Variants in IKZF3 observed in about 807,000 individuals in gnomAD.
IKZF3 encodes the protein IKAROS family zinc finger 3.
A neutral mutation model predicts 49.0 loss-of-function variants in IKZF3; 10 were observed. The observed-to-expected ratio is 0.20, with a 90% confidence interval of 0.13 to 0.35. The LOEUF is 0.35. Ranked by LOEUF, IKZF3 falls within the 10% of genes least tolerant of loss-of-function variation. The pLI is 1.00. For missense variants in IKZF3, 498 were observed against 664.8 expected (o/e 0.75, Z 2.76); for synonymous variants, 209 against 228.2 (o/e 0.92, Z 0.76).
At chr17:39,797,024 G>T (rs2061182850) in intron 3 of IKZF3, among the ~76,000 whole-genome samples, 1 of 151,550 alleles carries the variant, frequency 6.6e-6, no homozygotes, top group African/African-American at 2.4e-5. Context: ...AATTAGCCAG[G>T]CGTGGTGGTG....
chr17:39,805,780 A>G (rs2061419891), intron 3 of IKZF3, among the ~76,000 whole-genome samples: 1 of 152,242 alleles, frequency 6.6e-6, no homozygotes, highest in Admixed American at 6.5e-5. Flanking sequence ...CAAGGCTGCA[A>G]GCAAAGATGC....
At chr17:39,814,038 T>C (rs193297808) in intron 3 of IKZF3, among the ~76,000 whole-genome samples, 4 of 152,314 alleles carry the variant, frequency 2.6e-5, no homozygotes, top group Admixed American at 2.0e-4. Context: ...CTTAATTTTT[T>C]TTCCCCTTTC....
intron 1 of IKZF3, among the ~76,000 whole-genome samples, chr17:39,861,722 G>A (rs1192241588): frequency 2.0e-5 from 3 of 152,058 alleles, no homozygotes; most frequent in Admixed American, 6.6e-5. Flanking sequence ...CTGACATCAA[G>A]AAGGAGACAA....
intron 3 of IKZF3, among the ~76,000 whole-genome samples, chr17:39,814,172 A>G (rs1018980261): frequency 2.0e-5 from 3 of 152,174 alleles, no homozygotes; most frequent in African/African-American, 7.2e-5. Flanking sequence ...GGGAAGAAGA[A>G]TTATTTTTTT....
At chr17:39,829,913 C>T (rs2062064762) in intron 2 of IKZF3, among the ~76,000 whole-genome samples, 1 of 151,890 alleles carries the variant, frequency 6.6e-6, no homozygotes, top group South Asian at 2.1e-4. Context: ...GATAGCACCA[C>T]TGCACTCCAG....
intron 3 of IKZF3, among the ~76,000 whole-genome samples, chr17:39,819,245 A>G (rs1031581759): frequency 6.6e-6 from 1 of 152,226 alleles, no homozygotes; most frequent in African/African-American, 2.4e-5. Context: ...CTACCCCTGA[A>G]CCCAAAGTAA....
At chr17:39,853,191 T>C (rs1482596891) in intron 1 of IKZF3, among the ~76,000 whole-genome samples, 1 of 152,138 alleles carries the variant, frequency 6.6e-6, no homozygotes, top group Non-Finnish European at 1.5e-5. Flanking sequence ...CCTTACCAAA[T>C]TCCATAAGGG....
chr17:39,776,377 T>G (rs1274377613), intron 7 of IKZF3, among the ~76,000 whole-genome samples: 1 of 152,250 alleles, frequency 6.6e-6, no homozygotes, highest in African/African-American at 2.4e-5. Context: ...GGAATATTTG[T>G]AGACAATGTC....
chr17:39,766,587 T>A, intron 7 of IKZF3, 94 bp from the exon 8 acceptor site: 2 of 1,050,104 alleles, frequency 1.9e-6, no homozygotes, highest in South Asian at 1.5e-5. Context: ...GGAGGAGAGT[T>A]AAGTTGCCTG....
At chr17:39,839,013 T>C (rs2062385722) in intron 1 of IKZF3, among the ~76,000 whole-genome samples, 1 of 152,134 alleles carries the variant, frequency 6.6e-6, no homozygotes, top group East Asian at 1.9e-4. Context: ...AAGTTTTTTG[T>C]AGTGACAGAG....
At position 39,792,800 on chromosome 17, in the gene IKZF3, A is replaced by C; in HGVS notation, c.297T>G (p.Ile99Met). The C allele has an allele frequency of 6.2e-7, 1 of 1,614,132 alleles. No individual in the cohort carries two copies. Among genetic ancestry groups the C allele is most frequent in the Admixed American group, 1.7e-5 (1 of 60,016 alleles). Residue 99 changes from isoleucine (I) to methionine (M), a missense_variant, in exon 4 of 8, where the codon ATT becomes ATG. Around this residue, in one of 3 missense-constraint regions of IKZF3, gnomAD observed 84 missense variants for 168.6 expected, o/e 0.50. Transcript: ENST00000346872. ...ATGAGACAACATGTCTCTCCAACTT[A>C]ATGTTTTCATATTCATTATATTCTC... Reference protein sequence around the residue: ...YSREYNEYENIKLERHVVSFD... With the variant: ...YSREYNEYENMKLERHVVSFD...
chr17:39,855,984 C>T (rs910039628), intron 1 of IKZF3, among the ~76,000 whole-genome samples: 1 of 147,804 alleles, frequency 6.8e-6, no homozygotes, highest in Non-Finnish European at 1.5e-5. Flanking sequence ...TACAATATAA[C>T]ATGTATATTG....
At chr17:39,842,045 A>G (rs940740511) in intron 1 of IKZF3, among the ~76,000 whole-genome samples, 1 of 146,436 alleles carries the variant, frequency 6.8e-6, no homozygotes, top group East Asian at 2.0e-4. Flanking sequence ...CAAAAAAAAA[A>G]AAAAAAAAAA....
chr17:39,852,282 G>A (rs1417128190), intron 1 of IKZF3, among the ~76,000 whole-genome samples: 3 of 152,152 alleles, frequency 2.0e-5, no homozygotes, highest in East Asian at 1.9e-4. Flanking sequence ...TGGAAAAACT[G>A]GTCTGTAATC....
chr17:39,776,207 C>T (rs1012340631), intron 7 of IKZF3, among the ~76,000 whole-genome samples: 10 of 152,088 alleles, frequency 6.6e-5, no homozygotes, highest in Admixed American at 2.6e-4. Flanking sequence ...CACCACAGCA[C>T]GCCAGCCTAG....
chr17:39,800,833 G>C (rs2061299025), intron 3 of IKZF3, among the ~76,000 whole-genome samples: 1 of 152,156 alleles, frequency 6.6e-6, no homozygotes, highest in South Asian at 2.1e-4. Context: ...TCCTGGAAAG[G>C]ATCCAACATC....
chr17:39,831,696 A>AT (rs1719737563), intron 2 of IKZF3, among the ~76,000 whole-genome samples: 1 of 152,228 alleles, frequency 6.6e-6, no homozygotes, highest in Admixed American at 6.5e-5. Flanking sequence ...CAGAGACCAT[A>AT]TGTGGCCTGC....
At chr17:39,797,612 A>G (rs1236420256) in intron 3 of IKZF3, among the ~76,000 whole-genome samples, 3 of 151,850 alleles carry the variant, frequency 2.0e-5, no homozygotes, top group Non-Finnish European at 4.4e-5. Context: ...TAGTAGAGAC[A>G]GGGTTTTACC....
chr17:39,791,917 GTCT>G (rs1448444548), intron 4 of IKZF3, among the ~76,000 whole-genome samples: 1 of 138,720 alleles, frequency 7.2e-6, no homozygotes, highest in Non-Finnish European at 1.5e-5. Context: ...TTTAGACAGG[GTCT>G]TCTTGCTCTG....
Sources: allele counts gnomAD v4.1 joint callset (sites outside exome capture counted in the v4.1 genomes callset), GRCh38; gene constraint gnomAD v4.1.1; regional missense constraint gnomAD v4.1.1; transcripts MANE v1.5; gene names NCBI Gene and HGNC (gene_info 2026-07-23, HGNC 2026-07-21).